SYTL2: variants seen among roughly 807,000 people sequenced by gnomAD.
The protein encoded by SYTL2 is synaptotagmin-like protein 2.
A neutral mutation model predicts 198.7 loss-of-function variants in SYTL2; 165 were observed. The observed-to-expected ratio is 0.83, with a 90% CI of 0.73 to 0.94. SYTL2 has a LOEUF of 0.94. Ranked by LOEUF, SYTL2 falls within the 40% of genes least tolerant of loss-of-function variation. SYTL2 has a pLI of 0.00. For synonymous variants in SYTL2, 966 were observed against 917.7 expected (o/e 1.05, Z -0.95); for missense variants, 2,835 against 2,582.8 (o/e 1.10, Z -2.12).
chr11:85,709,621 C>A, intron 13 of SYTL2, 121 bp from the exon 14 acceptor site: 1 of 874,850 alleles, frequency 1.1e-6, no homozygotes, highest in South Asian at 1.6e-5. Context: ...GCAGTTAATT[C>A]AATATAGCAT....
At chr11:85,804,444 T>C (rs1199466147) in intron 1 of SYTL2, among the ~76,000 whole-genome samples, 1 of 152,236 alleles carries the variant, frequency 6.6e-6, no homozygotes, top group East Asian at 1.9e-4. Flanking sequence ...TTCAAATCTC[T>C]GTTGTTGTTC....
At chr11:85,780,274 T>C (rs1371914643) in intron 1 of SYTL2, among the ~76,000 whole-genome samples, 1 of 152,242 alleles carries the variant, frequency 6.6e-6, no homozygotes, top group East Asian at 1.9e-4. Flanking sequence ...TGTGATATTG[T>C]GAAATATCTT....
At chr11:85,803,037 A>G (rs1201486970) in intron 1 of SYTL2, among the ~76,000 whole-genome samples, 3 of 152,190 alleles carry the variant, frequency 2.0e-5, no homozygotes, top group African/African-American at 4.8e-5. Context: ...ACTATGCTTC[A>G]TAACTCTGGC....
intron 16 of SYTL2, 95 bp from the exon 17 acceptor site, chr11:85,700,688 TG>T: frequency 1.1e-6 from 1 of 897,830 alleles, no homozygotes. Flanking sequence ...GTCCCATTTC[TG>T]GGACCATGTG....
intron 13 of SYTL2, 128 bp from the exon 14 acceptor site, chr11:85,709,628 G>A: frequency 1.2e-6 from 1 of 810,740 alleles, no homozygotes; most frequent in Non-Finnish European, 2.0e-6. Flanking sequence ...ATTCAATATA[G>A]CATAAAGACA....
intron 8 of SYTL2, among the ~76,000 whole-genome samples, chr11:85,722,239 C>G (rs148420972): frequency 6.1e-4 from 80 of 130,962 alleles, no homozygotes; most frequent in African/African-American, 2.4e-3. Context: ...AGTGCAGTGG[C>G]GTGATCTCGA....
intron 1 of SYTL2, among the ~76,000 whole-genome samples, chr11:85,759,723 G>A (rs1235039116): frequency 1.3e-5 from 2 of 151,964 alleles, no homozygotes; most frequent in Non-Finnish European, 2.9e-5. Flanking sequence ...CTAGCTCTCT[G>A]CATACTGTCC....
intron 4 of SYTL2, among the ~76,000 whole-genome samples, chr11:85,739,883 CA>C (rs2090655428): frequency 6.6e-6 from 1 of 152,146 alleles, no homozygotes; most frequent in Non-Finnish European, 1.5e-5. Flanking sequence ...TGGCTTGTGG[CA>C]AGAGGACTGG....
At chr11:85,812,766 G>A (rs1474421087), upstream of SYTL2, among the ~76,000 whole-genome samples, 1 of 152,182 alleles carries the variant, frequency 6.6e-6, no homozygotes, top group Non-Finnish European at 1.5e-5. Flanking sequence ...TGAAGCTAAG[G>A]AGGTAGGTGG....
chr11:85,782,423 C>T (rs1045152184), intron 1 of SYTL2, among the ~76,000 whole-genome samples: 3 of 152,144 alleles, frequency 2.0e-5, no homozygotes, highest in Non-Finnish European at 4.4e-5. Flanking sequence ...CTGTGAAGGT[C>T]TCTGACATGC....
At chr11:85,814,200 C>T (rs1447189794), upstream of SYTL2, among the ~76,000 whole-genome samples, 1 of 152,180 alleles carries the variant, frequency 6.6e-6, no homozygotes, top group Non-Finnish European at 1.5e-5. Flanking sequence ...AAAGAATAAT[C>T]TCCATGCCTC....
At chr11:85,708,826 G>T (rs746960313) in intron 14 of SYTL2, among the ~76,000 whole-genome samples, 5 of 135,560 alleles carry the variant, frequency 3.7e-5, no homozygotes, top group Non-Finnish European at 7.8e-5. Flanking sequence ...AACATTTTGT[G>T]CTTCTCTGTG....
the SYTL2 span, among the ~76,000 whole-genome samples, chr11:85,838,693 A>G: frequency 6.6e-6 from 1 of 152,164 alleles, no homozygotes; most frequent in Admixed American, 6.5e-5. Context: ...GCCATGAGGG[A>G]TTCACCCCCG....
intron 1 of SYTL2, among the ~76,000 whole-genome samples, chr11:85,799,136 C>A (rs925307946): frequency 6.6e-6 from 1 of 152,182 alleles, no homozygotes; most frequent in Admixed American, 6.5e-5. Flanking sequence ...GTACTAAAAA[C>A]CTTAAAAAGA....
intron 2 of SYTL2, among the ~76,000 whole-genome samples, chr11:85,755,493 G>A (rs765320758): frequency 6.6e-6 from 1 of 152,094 alleles, no homozygotes. Flanking sequence ...GCAGCTGCTG[G>A]GGCACCTTCA....
chr11:85,706,690 G>A (rs962513545), intron 15 of SYTL2, among the ~76,000 whole-genome samples: 4 of 152,184 alleles, frequency 2.6e-5, no homozygotes, highest in Non-Finnish European at 5.9e-5. Flanking sequence ...AGGTTGTGAA[G>A]GGACTGGTGT....
intron 14 of SYTL2, 123 bp downstream of exon 14, chr11:85,709,208 C>T: frequency 1.1e-6 from 1 of 927,982 alleles, no homozygotes; most frequent in Non-Finnish European, 1.7e-6. Context: ...TTCCCCCCAA[C>T]TTTTCAAACA....
intron 14 of SYTL2, chr11:85,708,021 G>A (rs1378143513): frequency 2.9e-6 from 1 of 343,366 alleles, no homozygotes; most frequent in Admixed American, 4.0e-5. Flanking sequence ...AAGTTAGCTG[G>A]GTGTGGTGAT....
At chr11:85,741,577 C>A (rs1481385388) in intron 4 of SYTL2, among the ~76,000 whole-genome samples, 1 of 152,090 alleles carries the variant, frequency 6.6e-6, no homozygotes, top group Non-Finnish European at 1.5e-5. Context: ...GAAATGAAAT[C>A]TTCACATTAC....
Sources: allele counts gnomAD v4.1 joint callset (sites outside exome capture counted in the v4.1 genomes callset), GRCh38; gene constraint gnomAD v4.1.1; transcripts MANE v1.5; gene names NCBI Gene and HGNC (gene_info 2026-07-23, HGNC 2026-07-21).